Variants in GRXCR1 observed in about 807,000 individuals in gnomAD.
GRXCR1 encodes glutaredoxin domain-containing cysteine-rich protein 1.
GRXCR1 carries 27 observed loss-of-function variants against 27.3 expected under a neutral mutation model. The ratio of observed to expected loss-of-function variants is 0.99; its 90% CI spans 0.73 to 1.37. The LOEUF is 1.37. Ranked by LOEUF, GRXCR1 falls within the 40% of genes most tolerant of loss-of-function variation. The probability of loss-of-function intolerance (pLI) is 0.00; values close to 1 mark genes in which losing one functional copy is unlikely to be tolerated. For synonymous variants in GRXCR1, 122 were observed against 131.1 expected (o/e 0.93, Z 0.47); for missense variants, 379 against 354.4 (o/e 1.07, Z -0.56).
rs527561709 is a variant in GRXCR1, at chr4:42,907,669, C to T, written c.384+14019C>T. Among the ~76,000 whole-genome samples the T allele has an allele frequency of 1.4e-4, 21 of 152,308 alleles. No homozygotes were observed. In the South Asian group the frequency reaches 2.5e-3, roughly 18 times the overall value. On this transcript the variant is annotated intron_variant, in intron 1 of 3. Transcript: ENST00000399770. ...CTCCTTATATGTAGTAGCAGTTCTA[C>T]TCCCTCATGACAGTCATGGTCAGTT...
chr4:42,993,364 A>G (rs1471465557), intron 2 of GRXCR1, among the ~76,000 whole-genome samples: 1 of 152,012 alleles, frequency 6.6e-6, no homozygotes, highest in African/African-American at 2.4e-5. Flanking sequence ...TATAATGAAG[A>G]ACTAGAATTT....
intron 1 of GRXCR1, among the ~76,000 whole-genome samples, chr4:42,903,094 C>G (rs951731065): frequency 6.6e-5 from 10 of 152,114 alleles, no homozygotes. Context: ...AGGCTACAAC[C>G]GGAGCCCGAA....
chr4:42,954,691 T>C (rs543623904), intron 1 of GRXCR1, among the ~76,000 whole-genome samples: 15 of 152,268 alleles, frequency 9.9e-5, no homozygotes, highest in Admixed American at 5.9e-4. Context: ...TAGAGGCACA[T>C]AGAGAAGTTC....
At chr4:43,025,748 G>T (rs891740490) in intron 3 of GRXCR1, among the ~76,000 whole-genome samples, 11 of 152,290 alleles carry the variant, frequency 7.2e-5, no homozygotes, top group African/African-American at 2.4e-4. Context: ...AGGCCAAGGC[G>T]GGCGGATCAC....
intron 2 of GRXCR1, among the ~76,000 whole-genome samples, chr4:43,015,765 TAAATA>T (rs1255096843): frequency 6.6e-6 from 1 of 151,242 alleles, no homozygotes; most frequent in Non-Finnish European, 1.5e-5. Context: ...TAAATTAAAA[TAAATA>T]AAACTATATA....
At position 42,981,046 on chromosome 4, in the gene GRXCR1, T is replaced by C. The variant is rs139310611; in HGVS notation, c.627+17912T>C. Among the ~76,000 whole-genome samples, 790 of 151,936 alleles carry C rather than the reference T, an allele frequency of 5.2e-3. 6 individuals carry two copies. The highest frequency in any genetic ancestry group is 0.018 in the African/African-American group (758 of 41,514). Reference sequence around the variant, plus strand: ...ATTAAAGATAATTATTGATAGATAATACTACTGCCATTTTGCAAGTTGTTT... The same window carrying C: ...ATTAAAGATAATTATTGATAGATAACACTACTGCCATTTTGCAAGTTGTTT... On this transcript the variant is annotated intron_variant, in intron 2 of 3. Transcript: ENST00000399770.
intron 2 of GRXCR1, among the ~76,000 whole-genome samples, chr4:42,990,789 T>C (rs1019840926): frequency 2.6e-5 from 4 of 152,160 alleles, no homozygotes; most frequent in Non-Finnish European, 4.4e-5. Context: ...TTTTGTAAAA[T>C]GTTCATGGCT....
At chr4:42,994,224 A>G (rs1712073532) in intron 2 of GRXCR1, among the ~76,000 whole-genome samples, 1 of 152,152 alleles carries the variant, frequency 6.6e-6, no homozygotes, top group Non-Finnish European at 1.5e-5. Context: ...GGGGACAAAC[A>G]GCTGCAGGGG....
rs138011779 is a variant in GRXCR1 at position 42,893,071 on chromosome 4, G to GCA, written c.-183_-182dup. On this transcript the variant is annotated 5_prime_UTR_variant, in exon 1 of 4. Coordinates refer to ENST00000399770, the MANE Select transcript of GRXCR1 (RefSeq NM_001080476.3). Reference sequence around the variant, plus strand: ...GGGTTTTAGTTTAAAGGTAACCATAGCACACACACACACATTTATTATTAA... The same window carrying GCA: ...GGGTTTTAGTTTAAAGGTAACCATAGCACACACACACACACATTTATTATTAA... 5.9e-5 allele frequency among the ~76,000 whole-genome samples: 9 copies of GCA among 151,998 alleles called. No individual in the cohort carries two copies. The highest frequency in any genetic ancestry group is 3.4e-3 in the Middle Eastern group (1 of 294).
chr4:42,931,725 TGTATG>T (rs1747314765), intron 1 of GRXCR1, among the ~76,000 whole-genome samples: 1 of 152,020 alleles, frequency 6.6e-6, no homozygotes, highest in Non-Finnish European at 1.5e-5. Flanking sequence ...CATTTTTGTG[TGTATG>T]GTGAGACCAT....
At chr4:42,980,917 G>A (rs1366806691) in intron 2 of GRXCR1, among the ~76,000 whole-genome samples, 1 of 150,890 alleles carries the variant, frequency 6.6e-6, no homozygotes, top group Non-Finnish European at 1.5e-5. Context: ...CAGGTGAAGA[G>A]AGACCTTTAT....
intron 1 of GRXCR1, among the ~76,000 whole-genome samples, chr4:42,913,876 G>A (rs901755989): frequency 4.6e-5 from 7 of 152,136 alleles, no homozygotes; most frequent in African/African-American, 1.7e-4. Context: ...GGCTAAAAGG[G>A]GTCAATGTAT....
intron 2 of GRXCR1, among the ~76,000 whole-genome samples, chr4:42,983,646 C>A (rs1711564817): frequency 6.6e-6 from 1 of 152,200 alleles, no homozygotes; most frequent in Admixed American, 6.5e-5. Flanking sequence ...TTACCTTGGG[C>A]AGTATGGCCA....
At chr4:42,956,474 G>T (rs1168192204) in intron 1 of GRXCR1, among the ~76,000 whole-genome samples, 1 of 151,388 alleles carries the variant, frequency 6.6e-6, no homozygotes, top group Non-Finnish European at 1.5e-5. Context: ...TTTGCCAAAG[G>T]CAATATCATT....
Position 43,030,457 on chromosome 4 carries a change from T to C in GRXCR1, c.790T>C (p.Cys264Arg). The C allele has an allele frequency of 6.2e-7, 1 of 1,614,088 alleles. No homozygotes were observed. Residue 264 changes from cysteine (C) to arginine (R), a missense_variant, in exon 4 of 4, where the codon TGC becomes CGC. By Grantham distance (180) the Cys-to-Arg change is radical (BLOSUM62 -3). Coordinates refer to ENST00000399770, the MANE Select transcript of GRXCR1 (RefSeq NM_001080476.3). ...HGSKMSMFRN[C>R]FTDSFKALKC... ...GAGCAAGATGTCCATGTTTCGAAAC[T>C]GCTTCACAGACTCTTTCAAAGCCCT...
chr4:43,017,093 T>C (rs1265800534), intron 2 of GRXCR1, among the ~76,000 whole-genome samples: 1 of 152,212 alleles, frequency 6.6e-6, no homozygotes, highest in Non-Finnish European at 1.5e-5. Context: ...GCAATTATTC[T>C]AAATAACTGA....
intron 1 of GRXCR1, among the ~76,000 whole-genome samples, chr4:42,915,799 C>T (rs1429433726): frequency 1.3e-5 from 2 of 152,144 alleles, no homozygotes; most frequent in African/African-American, 2.4e-5. Flanking sequence ...ATGCTTCATC[C>T]TTGCCTATTA....
rs374673826 is a variant in GRXCR1, at chr4:42,893,474, G to A, written c.208G>A (p.Gly70Ser). 1 of 1,613,908 alleles carries A rather than the reference G, an allele frequency of 6.2e-7. No individual in the cohort carries two copies. Among genetic ancestry groups the A allele is most frequent in the African/African-American group, 1.3e-5 (1 of 75,026 alleles). ...GCAGAATGGCCACATAGAGTCAGAA[G>A]GTGATGAGAATGAGAATGACCAGGA... ...GQQNGHIESEGDENENDQDSL... is the reference protein window; with the variant it reads ...GQQNGHIESESDENENDQDSL... Residue 70 changes from glycine (G) to serine (S), a missense_variant, in exon 1 of 4, where the codon GGT becomes AGT. Physicochemically the swap from Gly to Ser is moderately conservative, Grantham distance 56. Transcript: ENST00000399770.
chr4:42,931,728 A>G (rs1176531977), intron 1 of GRXCR1, among the ~76,000 whole-genome samples: 2 of 152,014 alleles, frequency 1.3e-5, no homozygotes, highest in African/African-American at 4.8e-5. Flanking sequence ...TTTTGTGTGT[A>G]TGGTGAGACC....
Sources: allele counts gnomAD v4.1 joint callset (sites outside exome capture counted in the v4.1 genomes callset), GRCh38; gene constraint gnomAD v4.1.1; transcripts MANE v1.5; gene names NCBI Gene and HGNC (gene_info 2026-07-23, HGNC 2026-07-21).